Variants in PDE8B observed in about 807,000 individuals in gnomAD.
PDE8B encodes the protein high affinity cAMP-specific and IBMX-insensitive 3',5'-cyclic phosphodiesterase 8B.
Under a neutral mutation model 101.3 loss-of-function variants are expected in PDE8B, and 26 were observed. That is an observed-to-expected ratio of 0.26 (90% CI 0.19 to 0.36). The LOEUF (loss-of-function observed/expected upper bound fraction) is 0.36. PDE8B is among the 10% of genes least tolerant of loss of function. The pLI is 1.00. For synonymous variants in PDE8B, 424 were observed against 429.3 expected, an observed-to-expected ratio of 0.99 and a Z score of 0.15; for missense variants, 810 against 1,163.1, an observed-to-expected ratio of 0.70 and a Z score of 4.42.
chr5:77,157,884 G>A, the PDE8B span, among the ~76,000 whole-genome samples: 17 of 152,300 alleles, frequency 1.1e-4, no homozygotes, highest in African/African-American at 4.1e-4. Flanking sequence ...CTGCTCTAGA[G>A]CATCCCTCTC....
At chr5:77,125,207 G>C in the PDE8B span, among the ~76,000 whole-genome samples, 11 of 151,950 alleles carry the variant, frequency 7.2e-5, no homozygotes, top group Non-Finnish European at 1.6e-4. Flanking sequence ...TTTCTATGTT[G>C]TCCAGGCTGG....
At chr5:77,161,230 T>C in the PDE8B span, among the ~76,000 whole-genome samples, 1 of 152,222 alleles carries the variant, frequency 6.6e-6, no homozygotes, top group Non-Finnish European at 1.5e-5. Context: ...TTTATATGGA[T>C]CTAATTTCCA....
intron 10 of PDE8B, among the ~76,000 whole-genome samples, chr5:77,365,628 A>G (rs1783975758): frequency 6.6e-6 from 1 of 152,210 alleles, no homozygotes; most frequent in Non-Finnish European, 1.5e-5. Flanking sequence ...GGGTAGCAGC[A>G]GTGGTTTCTG....
At chr5:77,251,685 G>A (rs374595776) in intron 1 of PDE8B, among the ~76,000 whole-genome samples, 5 of 152,016 alleles carry the variant, frequency 3.3e-5, no homozygotes, top group African/African-American at 9.7e-5. Flanking sequence ...TGTATCCACC[G>A]CATCGCTCTC....
At chr5:77,320,143 T>C (rs985845317) in intron 2 of PDE8B, among the ~76,000 whole-genome samples, 7 of 152,206 alleles carry the variant, frequency 4.6e-5, no homozygotes, top group African/African-American at 9.7e-5. Flanking sequence ...ATTTTTTCAT[T>C]TTTATTTTTA....
At chr5:77,097,275 A>G in the PDE8B span, among the ~76,000 whole-genome samples, 2 of 152,106 alleles carry the variant, frequency 1.3e-5, no homozygotes, top group African/African-American at 4.8e-5. Flanking sequence ...ACTGACTGGG[A>G]AAGTGTTTTT....
intron 21 of PDE8B, 128 bp downstream of exon 21, chr5:77,426,024 T>A: frequency 1.1e-6 from 1 of 905,510 alleles, no homozygotes; most frequent in South Asian, 1.4e-5. Flanking sequence ...CAGCTTTTTG[T>A]GGCCAAGTGG....
intron 11 of PDE8B, among the ~76,000 whole-genome samples, chr5:77,402,145 G>A (rs1792410803): frequency 6.6e-6 from 1 of 152,100 alleles, no homozygotes; most frequent in South Asian, 2.1e-4. Flanking sequence ...TCCCTGAATA[G>A]GCTAAACCAA....
chr5:77,170,868 C>G, the PDE8B span, among the ~76,000 whole-genome samples: 1 of 152,166 alleles, frequency 6.6e-6, no homozygotes, highest in African/African-American at 2.4e-5. Flanking sequence ...TTCATTCATT[C>G]ATTTAGTCAG....
chr5:77,143,533 A>G, the PDE8B span, among the ~76,000 whole-genome samples: 1 of 152,202 alleles, frequency 6.6e-6, no homozygotes, highest in Non-Finnish European at 1.5e-5. Flanking sequence ...CTTGGGGCCC[A>G]TAAGTGGAAG....
chr5:77,215,805 C>G (rs1015650236), intron 1 of PDE8B, among the ~76,000 whole-genome samples: 2 of 152,104 alleles, frequency 1.3e-5, no homozygotes, highest in Non-Finnish European at 2.9e-5. Context: ...AAGACAGAGT[C>G]CAGAGTTTGT....
At chr5:77,398,241 A>G (rs1397989727) in intron 10 of PDE8B, among the ~76,000 whole-genome samples, 1 of 151,704 alleles carries the variant, frequency 6.6e-6, no homozygotes. Flanking sequence ...AGTTTTAACT[A>G]AGTTTACTTT....
At chr5:77,365,527 A>G (rs13179491) in intron 10 of PDE8B, among the ~76,000 whole-genome samples, 28,952 of 152,186 alleles carry the variant, frequency 0.19, 3,371 homozygotes, top group Middle Eastern at 0.32. Context: ...CTTCATCGTC[A>G]TCATCTTATA....
At chr5:77,345,826 C>T (rs1328746529) in intron 7 of PDE8B, among the ~76,000 whole-genome samples, 1 of 152,170 alleles carries the variant, frequency 6.6e-6, no homozygotes, top group Non-Finnish European at 1.5e-5. Context: ...AGTAGGGCAC[C>T]AAAGACAGTG....
chr5:77,243,302 TTTAGGAG>T (rs2149560063), intron 1 of PDE8B, among the ~76,000 whole-genome samples: 1 of 152,328 alleles, frequency 6.6e-6, no homozygotes, highest in Admixed American at 6.5e-5. Context: ...AAGTAAGCCA[TTTAGGAG>T]TTAGCATTGC....
chr5:77,124,094 A>T, the PDE8B span, among the ~76,000 whole-genome samples: 1 of 152,278 alleles, frequency 6.6e-6, no homozygotes, highest in Non-Finnish European at 1.5e-5. Flanking sequence ...AACAGAAAAG[A>T]TTCAACACTC....
intron 1 of PDE8B, among the ~76,000 whole-genome samples, chr5:77,233,037 T>G (rs1753892325): frequency 6.6e-6 from 1 of 152,172 alleles, no homozygotes; most frequent in African/African-American, 2.4e-5. Flanking sequence ...GTTTTCCTTC[T>G]TGTCATTGGA....
intron 2 of PDE8B, among the ~76,000 whole-genome samples, chr5:77,314,222 T>C (rs1400902460): frequency 1.3e-5 from 2 of 152,182 alleles, no homozygotes; most frequent in African/African-American, 4.8e-5. Context: ...TTTTGGACTC[T>C]CAGTTCTATT....
the PDE8B span, among the ~76,000 whole-genome samples, chr5:77,194,835 A>T: frequency 6.6e-6 from 1 of 152,228 alleles, no homozygotes; most frequent in South Asian, 2.1e-4. Context: ...GTATTCAGTC[A>T]TCTGTTGATG....
Sources: gnomAD v4.1 joint callset for allele counts (sites outside exome capture counted in the v4.1 genomes callset) on GRCh38, gnomAD v4.1.1 for gene constraint, MANE v1.5 for transcripts, NCBI Gene and HGNC (gene_info 2026-07-23, HGNC 2026-07-21) for gene names.